CREBBP: variants seen among roughly 807,000 people sequenced by gnomAD.
CREBBP encodes the protein CREB-binding protein.
Under a neutral mutation model 265.0 loss-of-function variants are expected in CREBBP, and 19 were observed. That is an observed-to-expected ratio of 0.07 (90% CI 0.05 to 0.11). The LOEUF (loss-of-function observed/expected upper bound fraction) is 0.11, where lower values mean the gene tolerates loss of function less well. Among genes scored for constraint, CREBBP ranks in the 10% least tolerant of loss-of-function variants. The pLI, the probability that CREBBP is intolerant of heterozygous loss-of-function variation, is 1.00. For missense variants in CREBBP, 2,525 were observed against 3,219.0 expected, an observed-to-expected ratio of 0.78 and a Z score of 5.22; for synonymous variants, 1,457 against 1,223.7, an observed-to-expected ratio of 1.19 and a Z score of -3.98.
rs2151303623 is a variant in CREBBP at position 3,728,551 on chromosome 16, G to A, written c.6496C>T (p.Pro2166Ser). 6.2e-7 allele frequency: 1 copy of A among 1,614,090 alleles called. No homozygotes were observed. Among genetic ancestry groups the A allele is most frequent in the South Asian group, 1.1e-5 (1 of 91,086 alleles). Reference sequence around the variant, plus strand: ...ATGATGTTCAAGGCCTGGCCCTGGGGGTTCAGGCCTCCCATCGCCTGCTGC... The same window carrying A: ...ATGATGTTCAAGGCCTGGCCCTGGGAGTTCAGGCCTCCCATCGCCTGCTGC... ...PQQQAMGGLN[P>S]QGQALNIMNP... The change falls in exon 31 of 31, where the codon CCC (proline) becomes TCC (serine). Residue 2166 changes from proline (P) to serine (S), a missense_variant. Pro to Ser is a moderately conservative substitution (Grantham distance 74). Coordinates refer to ENST00000262367, the MANE Select transcript of CREBBP (RefSeq NM_004380.3). The surrounding 1 kb of genome is among the most constrained non-coding windows in gnomAD (Gnocchi z 8.7).
At position 3,778,686 on chromosome 16, in the gene CREBBP, A is replaced by G; in HGVS notation, c.1941+14T>C. ...GATGCTGTAGAGGCCAGAGCACGGTAAACAGCAACCTACCCTGCTGTTGGC... is the reference window on the plus strand; with the variant it reads ...GATGCTGTAGAGGCCAGAGCACGGTGAACAGCAACCTACCCTGCTGTTGGC... On this transcript the variant is annotated intron_variant, in intron 9 of 30. Transcript: ENST00000262367. The G allele has an allele frequency of 1.3e-6, 2 of 1,593,160 alleles. No individual in the cohort carries two copies. The highest frequency in any genetic ancestry group is 1.7e-6 in the Non-Finnish European group (2 of 1,161,132).
rs2054763528 is a variant in CREBBP at position 3,849,441 on chromosome 16, GTGTGTGTGTGTGTGT to G, written c.798+841_798+855del. Among the ~76,000 whole-genome samples, 59 of 17,962 alleles carry G rather than the reference GTGTGTGTGTGTGTGT, an allele frequency of 3.3e-3. 3 individuals are homozygous for G. The highest frequency in any genetic ancestry group is 9.5e-3 in the Non-Finnish European group (49 of 5,156). 11.8% of individuals were successfully genotyped at this position (17,962 alleles called of 152,430 possible). A position where few individuals can be genotyped will look rare whatever the true frequency, so the allele number is the denominator to read the frequency against. On this transcript the variant is annotated intron_variant, in intron 2 of 30. Transcript: ENST00000262367. ...TGTGTGTGTGTGTGTGTGTGTGTGT[GTGTGTGTGTGTGTGT>G]GTGTGTGTGTGTGTGTGTGTGTGTG...
intron 1 of CREBBP, among the ~76,000 whole-genome samples, chr16:3,863,418 C>A (rs1020397821): frequency 1.3e-5 from 2 of 152,118 alleles, no homozygotes; most frequent in African/African-American, 2.4e-5. Flanking sequence ...GTCTGGCCAA[C>A]ATGGTGAAAC....
chr16:3,857,586 C>G (rs886743084), intron 1 of CREBBP, among the ~76,000 whole-genome samples: 2 of 152,164 alleles, frequency 1.3e-5, no homozygotes, highest in Non-Finnish European at 2.9e-5. Context: ...TCTGTATCAT[C>G]GGAAGTTCCT....
chr16:3,754,937 T>G (rs895106127), intron 19 of CREBBP, among the ~76,000 whole-genome samples: 3 of 152,176 alleles, frequency 2.0e-5, no homozygotes, highest in African/African-American at 7.2e-5. Flanking sequence ...AAGTATTTGT[T>G]ACAGAATCAG....
chr16:3,739,002 C>T (rs1240344237), intron 25 of CREBBP, among the ~76,000 whole-genome samples: 4 of 152,214 alleles, frequency 2.6e-5, no homozygotes, highest in African/African-American at 9.6e-5. Flanking sequence ...CTCGGCCTCC[C>T]ACAGTGCTGT....
chr16:3,838,922 T>C (rs1294461801), intron 2 of CREBBP, among the ~76,000 whole-genome samples: 1 of 152,222 alleles, frequency 6.6e-6, no homozygotes, highest in Non-Finnish European at 1.5e-5. Context: ...AAATGTTGTG[T>C]GGCTATCTCA....
At chr16:3,766,052 A>AT (rs890773383) in intron 16 of CREBBP, among the ~76,000 whole-genome samples, 25 of 151,674 alleles carry the variant, frequency 1.6e-4, no homozygotes, top group Admixed American at 5.3e-4. Context: ...ACAAATGTTG[A>AT]TTTTTTTTTG....
intron 3 of CREBBP, among the ~76,000 whole-genome samples, chr16:3,797,497 G>A (rs2053630860): frequency 6.6e-6 from 1 of 151,938 alleles, no homozygotes; most frequent in South Asian, 2.1e-4. Context: ...CTATGATAAA[G>A]TTTAATTTAT....
At chr16:3,736,909 G>T in intron 26 of CREBBP, 94 bp from the exon 27 acceptor site, 1 of 1,454,684 alleles carries the variant, frequency 6.9e-7, no homozygotes, top group Non-Finnish European at 9.5e-7. Flanking sequence ...ACTAAAGCCA[G>T]GACAGAAGTA....
intron 1 of CREBBP, among the ~76,000 whole-genome samples, chr16:3,877,071 C>T (rs1056219013): frequency 6.6e-6 from 1 of 152,206 alleles, no homozygotes; most frequent in Non-Finnish European, 1.5e-5. Flanking sequence ...GATCCTGTTT[C>T]TCAGGCTGCC....
intron 3 of CREBBP, among the ~76,000 whole-genome samples, chr16:3,795,957 T>C (rs1475259450): frequency 2.6e-5 from 4 of 152,190 alleles, no homozygotes; most frequent in African/African-American, 9.7e-5. Context: ...GTCCAAAACA[T>C]GTCTTTTAGA....
At chr16:3,816,357 C>T (rs1210666922) in intron 2 of CREBBP, among the ~76,000 whole-genome samples, 1 of 152,134 alleles carries the variant, frequency 6.6e-6, no homozygotes, top group Non-Finnish European at 1.5e-5. Flanking sequence ...AATATTGAAG[C>T]CAGATCCTGA....
intron 21 of CREBBP, among the ~76,000 whole-genome samples, chr16:3,745,841 C>T (rs980354640): frequency 3.3e-5 from 5 of 152,284 alleles, no homozygotes; most frequent in South Asian, 4.2e-4. Flanking sequence ...CCACGCTAGG[C>T]GCGAGGCACA....
intron 1 of CREBBP, among the ~76,000 whole-genome samples, chr16:3,859,271 C>T (rs1365164986): frequency 4.6e-5 from 7 of 152,052 alleles, no homozygotes; most frequent in Non-Finnish European, 7.4e-5. Context: ...TGGCTCACTG[C>T]AGCCTCTACT....
chr16:3,780,835 G>A lies in CREBBP; in HGVS notation c.1720C>T (p.Leu574Phe). 6.2e-7 allele frequency: 1 copy of A among 1,613,806 alleles called. No homozygotes were observed. Among genetic ancestry groups the A allele is most frequent in the Non-Finnish European group, 8.5e-7 (1 of 1,180,034 alleles). ...GGAGCTGCTGTTGGTATAGTGCTGA[G>A]GGTTCCAATGTTACCAGAGTTGGAG... ...DGSNSGNIGT[L>F]STIPTAAPPS... The change falls in exon 8 of 31, where the codon CTC (leucine) becomes TTC (phenylalanine). Residue 574 changes from leucine to phenylalanine, a missense_variant. This residue lies in a region of CREBBP where 144 missense variants were observed against 134.0 expected (regional missense o/e 1.07). Transcript: ENST00000262367.
chr16:3,751,646 C>G (rs2052476685), intron 20 of CREBBP, 80 bp downstream of exon 20: 3 of 1,398,370 alleles, frequency 2.1e-6, no homozygotes, highest in Middle Eastern at 1.8e-4. Context: ...CGGTACCTTC[C>G]TTATAGTCAT....
chr16:3,873,347 A>G (rs1365573711), intron 1 of CREBBP, among the ~76,000 whole-genome samples: 4 of 152,236 alleles, frequency 2.6e-5, no homozygotes, highest in Non-Finnish European at 5.9e-5. Context: ...ATTTTTAAAA[A>G]TACAATAAAA....
At chr16:3,864,788 T>C (rs532304832) in intron 1 of CREBBP, among the ~76,000 whole-genome samples, 1 of 152,212 alleles carries the variant, frequency 6.6e-6, no homozygotes, top group Non-Finnish European at 1.5e-5. Context: ...TATCCGTGGC[T>C]GGGCATGGTG....
Sources: gnomAD v4.1 joint callset for allele counts (sites outside exome capture counted in the v4.1 genomes callset) on GRCh38, gnomAD v4.1.1 for gene constraint, gnomAD v4.1.1 regional missense constraint, Gnocchi (gnomAD v3.1) non-coding constraint, MANE v1.5 for transcripts, NCBI Gene and HGNC (gene_info 2026-07-23, HGNC 2026-07-21) for gene names.